CNTNAP2: variants seen among roughly 807,000 people sequenced by gnomAD.
CNTNAP2 encodes contactin-associated protein-like 2.
A neutral mutation model predicts 155.2 loss-of-function variants in CNTNAP2; 98 were observed. That is an observed-to-expected ratio of 0.63 (90% CI 0.54 to 0.75). The LOEUF (loss-of-function observed/expected upper bound fraction) is 0.75, where lower values mean the gene tolerates loss of function less well. CNTNAP2 is among the 30% of genes least tolerant of loss of function. The probability of loss-of-function intolerance (pLI) is 0.00; values close to 1 mark genes in which losing one functional copy is unlikely to be tolerated. For missense variants in CNTNAP2, 1,727 were observed against 1,688.1 expected (o/e 1.02, Z -0.40); for synonymous variants, 651 against 631.2 (o/e 1.03, Z -0.47).
At chr7:147,262,683 G>C (rs1471936670) in intron 8 of CNTNAP2, among the ~76,000 whole-genome samples, 1 of 152,186 alleles carries the variant, frequency 6.6e-6, no homozygotes. Context: ...GCGAGCGCCT[G>C]TAGTCCCAGC....
At chr7:148,043,304 C>A (rs189453829) in intron 15 of CNTNAP2, among the ~76,000 whole-genome samples, 3 of 152,200 alleles carry the variant, frequency 2.0e-5, no homozygotes, top group African/African-American at 7.2e-5. Flanking sequence ...AAATCATGTG[C>A]TGTGATCAAG....
chr7:148,247,384 C>T (rs1796280877), intron 20 of CNTNAP2, among the ~76,000 whole-genome samples: 1 of 152,064 alleles, frequency 6.6e-6, no homozygotes, highest in Admixed American at 6.6e-5. Flanking sequence ...TCCACCAAAC[C>T]CGTCTTGCTT....
intron 1 of CNTNAP2, among the ~76,000 whole-genome samples, chr7:146,665,783 T>TCAAAAAAAAAAAAA (rs1800180044): frequency 2.1e-5 from 1 of 48,282 alleles, no homozygotes. Context: ...TCTGTCTCAT[T>TCAAAAAAAAAAAAA]AAAAAAAAAA....
intron 13 of CNTNAP2, among the ~76,000 whole-genome samples, chr7:147,701,481 G>T (rs888309811): frequency 3.3e-5 from 5 of 152,068 alleles, no homozygotes; most frequent in African/African-American, 7.2e-5. Context: ...TTAGAAATTC[G>T]CTGGGTGACT....
rs1463270056 is a variant in CNTNAP2 at position 148,147,684 on chromosome 7, G to A, written c.2748G>A (p.Leu916=). ...RKAPTEGHTR[L]ELYSQLFVGG... ...CCCCAACAGAAGGCCACACCCGCCT[G>A]GAGCTCTACAGCCAGTTATTTGTGG... is the stretch of plus-strand genomic sequence containing the variant. The change falls in exon 17 of 24, where the codon CTG becomes CTA. Residue 916 remains leucine (L), a synonymous_variant. Transcript: ENST00000361727. 4.3e-6 allele frequency: 7 copies of A among 1,613,710 alleles called. No individual in the cohort carries two copies. The highest frequency in any genetic ancestry group is 1.3e-5 in the African/African-American group (1 of 74,852).
At chr7:147,538,171 C>G (rs1799580663) in intron 11 of CNTNAP2, among the ~76,000 whole-genome samples, 1 of 152,138 alleles carries the variant, frequency 6.6e-6, no homozygotes. Flanking sequence ...ATAAGAAAAT[C>G]TAAGTCAAGG....
intron 12 of CNTNAP2, among the ~76,000 whole-genome samples, chr7:147,580,740 T>C (rs10232824): frequency 0.69 from 104,516 of 151,466 alleles, 36,619 homozygotes; most frequent in African/African-American, 0.81. Flanking sequence ...TTCAGCCTCC[T>C]GAGTAGCTAG....
intron 15 of CNTNAP2, among the ~76,000 whole-genome samples, chr7:148,015,227 C>CA (rs1375737715): frequency 6.6e-6 from 1 of 152,198 alleles, no homozygotes; most frequent in Non-Finnish European, 1.5e-5. Flanking sequence ...AAAAAAGATG[C>CA]AAATAGCAGC....
chr7:147,744,059 T>C (rs1796998771), intron 13 of CNTNAP2, among the ~76,000 whole-genome samples: 1 of 152,246 alleles, frequency 6.6e-6, no homozygotes, highest in African/African-American at 2.4e-5. Context: ...AATGAGATAA[T>C]GCCCATAAAG....
At chr7:146,412,903 C>T (rs1034544279) in intron 1 of CNTNAP2, among the ~76,000 whole-genome samples, 1 of 152,064 alleles carries the variant, frequency 6.6e-6, no homozygotes, top group African/African-American at 2.4e-5. Flanking sequence ...TTTATCTGTG[C>T]CTCATGAAAA....
chr7:147,494,344 G>C (rs1798657671), intron 11 of CNTNAP2, among the ~76,000 whole-genome samples: 1 of 151,752 alleles, frequency 6.6e-6, no homozygotes, highest in African/African-American at 2.4e-5. Flanking sequence ...ACCAAATTTT[G>C]AATTAATCCC....
At chr7:147,654,195 A>AT (rs1210329054) in intron 13 of CNTNAP2, among the ~76,000 whole-genome samples, 1 of 152,264 alleles carries the variant, frequency 6.6e-6, no homozygotes, top group East Asian at 1.9e-4. Context: ...AATGACTTGA[A>AT]TTTTGGAATA....
chr7:147,916,607 A>C (rs939099534), intron 14 of CNTNAP2, among the ~76,000 whole-genome samples: 3 of 130,520 alleles, frequency 2.3e-5, no homozygotes, highest in Admixed American at 7.8e-5. Context: ...AAAAAAAAAA[A>C]ATACAGTGTA....
intron 1 of CNTNAP2, among the ~76,000 whole-genome samples, chr7:146,729,867 G>C (rs1207968174): frequency 1.3e-5 from 2 of 152,176 alleles, no homozygotes; most frequent in East Asian, 1.9e-4. Flanking sequence ...GTTTTGACCA[G>C]TTACATAGTT....
At chr7:147,908,225 A>G (rs1800001831) in intron 14 of CNTNAP2, among the ~76,000 whole-genome samples, 1 of 152,184 alleles carries the variant, frequency 6.6e-6, no homozygotes, top group African/African-American at 2.4e-5. Context: ...AACAGGCTTT[A>G]CTAGAGAAAG....
At chr7:146,121,146 T>G (rs1467696881) in intron 1 of CNTNAP2, among the ~76,000 whole-genome samples, 2 of 88,162 alleles carry the variant, frequency 2.3e-5, no homozygotes, top group African/African-American at 8.3e-5. Flanking sequence ...TTTTTTTTTT[T>G]GAGACGGAGT....
intron 8 of CNTNAP2, among the ~76,000 whole-genome samples, chr7:147,241,831 T>G (rs2116639230): frequency 6.6e-6 from 1 of 152,258 alleles, no homozygotes; most frequent in South Asian, 2.1e-4. Flanking sequence ...AATTTGAGTT[T>G]CAGATAACAA....
At chr7:147,066,247 C>A (rs886504550) in intron 4 of CNTNAP2, among the ~76,000 whole-genome samples, 2 of 152,008 alleles carry the variant, frequency 1.3e-5, no homozygotes, top group Admixed American at 6.6e-5. Flanking sequence ...TTCAGCAGAT[C>A]GTCGTCAGTT....
intron 13 of CNTNAP2, among the ~76,000 whole-genome samples, chr7:147,736,524 A>T (rs1796847886): frequency 6.6e-6 from 1 of 152,140 alleles, no homozygotes; most frequent in African/African-American, 2.4e-5. Flanking sequence ...CTTGAGGAGT[A>T]TCTTTGTGAT....
Sources: allele counts gnomAD v4.1 joint callset (sites outside exome capture counted in the v4.1 genomes callset), GRCh38; gene constraint gnomAD v4.1.1; transcripts MANE v1.5; gene names NCBI Gene and HGNC (gene_info 2026-07-23, HGNC 2026-07-21).